TMEM131: variants seen among roughly 807,000 people sequenced by gnomAD.
TMEM131 encodes the protein transmembrane protein 131.
A neutral mutation model predicts 211.6 loss-of-function variants in TMEM131; 66 were observed. The observed-to-expected ratio is 0.31, with a 90% CI of 0.26 to 0.38. The LOEUF (loss-of-function observed/expected upper bound fraction) is 0.38. Among genes scored for constraint, TMEM131 ranks in the 10% least tolerant of loss-of-function variants. TMEM131 has a pLI of 1.00. For missense variants in TMEM131, 2,036 were observed against 2,299.3 expected, an observed-to-expected ratio of 0.89 and a Z score of 2.34; for synonymous variants, 844 against 841.3, an observed-to-expected ratio of 1.00 and a Z score of -0.06.
At chr2:97,884,448 G>A (rs1191204478) in intron 4 of TMEM131, among the ~76,000 whole-genome samples, 1 of 152,146 alleles carries the variant, frequency 6.6e-6, no homozygotes, top group Non-Finnish European at 1.5e-5. Context: ...TTAGTTGATG[G>A]TGTAGTTTAA....
intron 1 of TMEM131, among the ~76,000 whole-genome samples, chr2:97,928,870 G>A (rs924739446): frequency 1.3e-5 from 2 of 151,758 alleles, no homozygotes; most frequent in Non-Finnish European, 2.9e-5. Flanking sequence ...TTAAGAGTCA[G>A]TGATATCAGT....
At chr2:97,950,602 G>C (rs927279439) in intron 1 of TMEM131, among the ~76,000 whole-genome samples, 1 of 152,152 alleles carries the variant, frequency 6.6e-6, no homozygotes, top group Non-Finnish European at 1.5e-5. Context: ...CAACAGACTG[G>C]GAGAGCAGTT....
intron 1 of TMEM131, among the ~76,000 whole-genome samples, chr2:97,943,099 A>AAGAAAGAAAG (rs1677874553): frequency 6.7e-6 from 1 of 148,638 alleles, no homozygotes; most frequent in African/African-American, 2.5e-5. Flanking sequence ...GAAAGAAAGA[A>AAGAAAGAAAG]AGAGCTGGGT....
intron 25 of TMEM131, 75 bp downstream of exon 25, chr2:97,801,820 T>G: frequency 8.9e-7 from 1 of 1,124,136 alleles, no homozygotes; most frequent in African/African-American, 1.6e-5. Context: ...GAGTAGCCAA[T>G]AATTTTCTTT....
intron 11 of TMEM131, among the ~76,000 whole-genome samples, chr2:97,832,019 A>AG: frequency 6.7e-6 from 1 of 150,192 alleles, no homozygotes; most frequent in African/African-American, 2.4e-5. Context: ...AAAAAAAAAA[A>AG]AAAAAAAGCA....
chr2:97,811,495 C>T (rs1339850840), intron 17 of TMEM131, among the ~76,000 whole-genome samples: 1 of 152,150 alleles, frequency 6.6e-6, no homozygotes, highest in African/African-American at 2.4e-5. Context: ...AATAAAGCTC[C>T]TCACTCTTTA....
At chr2:97,941,700 T>C (rs1362781099) in intron 1 of TMEM131, among the ~76,000 whole-genome samples, 1 of 152,208 alleles carries the variant, frequency 6.6e-6, no homozygotes, top group African/African-American at 2.4e-5. Context: ...AAGACACTTA[T>C]GCAGCCAACA....
chr2:97,806,530 G>T (rs956026446), intron 19 of TMEM131, among the ~76,000 whole-genome samples: 7 of 152,128 alleles, frequency 4.6e-5, no homozygotes, highest in African/African-American at 1.4e-4. Flanking sequence ...GACAGAGTGA[G>T]ACTCCATCTC....
chr2:97,834,626 G>A lies in TMEM131; in HGVS notation c.1007C>T (p.Thr336Ile). Residue 336 changes from threonine to isoleucine, a missense_variant, in exon 10 of 41, where the codon ACA (threonine) becomes ATA (isoleucine). Transcript: ENST00000186436. ...TEMLDFGTLRTQDLPKVLNLH... is the reference protein window; with the variant it reads ...TEMLDFGTLRIQDLPKVLNLH... Reference sequence around the variant, plus strand: ...CTTTTAAAAGATTTTTTTACCTTGTGTTCTTAGTGTACCAAAATCTAACAT... The same window carrying A: ...CTTTTAAAAGATTTTTTTACCTTGTATTCTTAGTGTACCAAAATCTAACAT... 4 of 1,541,926 alleles carry A rather than the reference G, an allele frequency of 2.6e-6. No homozygotes were observed. The highest frequency in any genetic ancestry group is 3.5e-6 in the Non-Finnish European group (4 of 1,147,550).
At chr2:97,942,245 T>C (rs1260002812) in intron 1 of TMEM131, among the ~76,000 whole-genome samples, 3 of 147,174 alleles carry the variant, frequency 2.0e-5, no homozygotes, top group Non-Finnish European at 4.4e-5. Context: ...AAACACCACA[T>C]GTTCTCATTC....
intron 5 of TMEM131, among the ~76,000 whole-genome samples, chr2:97,853,241 G>A (rs972585751): frequency 6.6e-6 from 1 of 152,112 alleles, no homozygotes; most frequent in African/African-American, 2.4e-5. Flanking sequence ...TTCCTCTGAT[G>A]GATCTGGGCA....
At chr2:97,884,497 T>C (rs1675061679) in intron 4 of TMEM131, among the ~76,000 whole-genome samples, 1 of 152,214 alleles carries the variant, frequency 6.6e-6, no homozygotes, top group South Asian at 2.1e-4. Flanking sequence ...CTAGATGACC[T>C]GTCCAATGCT....
At chr2:97,941,730 A>C (rs928019601) in intron 1 of TMEM131, among the ~76,000 whole-genome samples, 1 of 152,224 alleles carries the variant, frequency 6.6e-6, no homozygotes, top group Admixed American at 6.5e-5. Context: ...AAAAATACTC[A>C]TCATCACTGG....
intron 31 of TMEM131, among the ~76,000 whole-genome samples, chr2:97,788,265 T>C (rs2104867850): frequency 6.6e-6 from 1 of 152,292 alleles, no homozygotes; most frequent in African/African-American, 2.4e-5. Context: ...CCAATGTTGC[T>C]GAAGGGGCCA....
chr2:97,906,501 G>T (rs972407429), intron 3 of TMEM131, among the ~76,000 whole-genome samples: 5 of 152,100 alleles, frequency 3.3e-5, no homozygotes, highest in African/African-American at 7.2e-5. Context: ...CTGACTAATA[G>T]CATATGGCAG....
chr2:97,915,596 T>C (rs1676477309), intron 2 of TMEM131, among the ~76,000 whole-genome samples: 2 of 152,212 alleles, frequency 1.3e-5, no homozygotes, highest in Admixed American at 1.3e-4. Context: ...TCCTCTTCCC[T>C]TGGCCTCCCA....
intron 5 of TMEM131, among the ~76,000 whole-genome samples, chr2:97,845,431 G>A (rs1683378762): frequency 6.6e-6 from 1 of 152,100 alleles, no homozygotes; most frequent in Non-Finnish European, 1.5e-5. Flanking sequence ...GCAACAGAAA[G>A]ATACCCGGCA....
intron 25 of TMEM131, among the ~76,000 whole-genome samples, chr2:97,799,622 C>T (rs954370227): frequency 2.6e-5 from 4 of 152,182 alleles, no homozygotes; most frequent in African/African-American, 9.7e-5. Flanking sequence ...ATGACAGCTT[C>T]CCAATACTTC....
intron 32 of TMEM131, among the ~76,000 whole-genome samples, chr2:97,774,429 T>A (rs112367847): frequency 6.6e-6 from 1 of 152,142 alleles, no homozygotes; most frequent in African/African-American, 2.4e-5. Flanking sequence ...CAAACTGAGA[T>A]CAGTTGCAGA....
Sources: gnomAD v4.1 joint callset for allele counts (sites outside exome capture counted in the v4.1 genomes callset) on GRCh38, gnomAD v4.1.1 for gene constraint, MANE v1.5 for transcripts, NCBI Gene and HGNC (gene_info 2026-07-23, HGNC 2026-07-21) for gene names.